The following FBXO4 variants were observed in gnomAD, a reference collection of about 807,000 sequenced individuals.
The protein encoded by FBXO4 is F-box only protein 4.
A neutral mutation model predicts 43.7 loss-of-function variants in FBXO4; 36 were observed. That is an observed-to-expected ratio of 0.82 (90% confidence interval 0.63 to 1.09). The LOEUF (loss-of-function observed/expected upper bound fraction) is 1.09, where lower values mean the gene tolerates loss of function less well. FBXO4 is among the 50% of genes least tolerant of loss of function. The probability of loss-of-function intolerance (pLI) is 0.00; values close to 1 mark genes in which losing one functional copy is unlikely to be tolerated. For missense variants in FBXO4, 435 were observed against 474.1 expected, an observed-to-expected ratio of 0.92 and a Z score of 0.77; for synonymous variants, 180 against 165.6, an observed-to-expected ratio of 1.09 and a Z score of -0.67.
chr5:41,952,078 G>A, the FBXO4 span: 117 of 196,436 alleles, frequency 6.0e-4, no homozygotes, highest in African/African-American at 2.7e-3. Flanking sequence ...CTTTTGTAGA[G>A]GTACTGTTCC....
At chr5:42,032,049 CTT>C in the FBXO4 span, among the ~76,000 whole-genome samples, 3 of 143,810 alleles carry the variant, frequency 2.1e-5, no homozygotes, top group African/African-American at 7.9e-5. Flanking sequence ...CTCTCTCTGT[CTT>C]TTTTTCTGTG....
At chr5:42,005,694 T>C in the FBXO4 span, among the ~76,000 whole-genome samples, 1 of 152,256 alleles carries the variant, frequency 6.6e-6, no homozygotes, top group African/African-American at 2.4e-5. Flanking sequence ...ATTCCAGCTG[T>C]ACAGAAGTTG....
the FBXO4 span, among the ~76,000 whole-genome samples, chr5:41,991,904 C>A: frequency 6.6e-6 from 1 of 152,166 alleles, no homozygotes; most frequent in East Asian, 1.9e-4. Context: ...CATGGAGAAA[C>A]CCCGTCTCTA....
At chr5:41,934,765 G>C (rs1751806399) in intron 5 of FBXO4, 6 of 1,017,632 alleles carry the variant, frequency 5.9e-6, no homozygotes, top group Non-Finnish European at 7.1e-6. Flanking sequence ...ATAGTAAAGA[G>C]ATGTGATGGT....
At chr5:41,930,737 G>A (rs1450473959) in intron 3 of FBXO4, among the ~76,000 whole-genome samples, 1 of 149,518 alleles carries the variant, frequency 6.7e-6, no homozygotes, top group African/African-American at 2.5e-5. Context: ...GCGCGATCTC[G>A]GCTCACTGCC....
intron 2 of FBXO4, chr5:41,928,503 T>G (rs961074722): frequency 6.5e-6 from 1 of 153,104 alleles, no homozygotes; most frequent in Non-Finnish European, 1.5e-5. Context: ...CCTGGCTAAT[T>G]TTTTGTATTT....
the FBXO4 span, among the ~76,000 whole-genome samples, chr5:42,036,194 C>T: frequency 6.6e-6 from 1 of 151,774 alleles, no homozygotes; most frequent in Admixed American, 6.6e-5. Context: ...GGGATGGGAG[C>T]CTAATCTGTA....
At chr5:42,034,113 A>G in the FBXO4 span, among the ~76,000 whole-genome samples, 5 of 151,470 alleles carry the variant, frequency 3.3e-5, no homozygotes, top group African/African-American at 1.2e-4. Flanking sequence ...TCTAATGATC[A>G]GTGATGTTAA....
At chr5:41,962,965 A>T in the FBXO4 span, among the ~76,000 whole-genome samples, 1 of 152,124 alleles carries the variant, frequency 6.6e-6, no homozygotes, top group Admixed American at 6.5e-5. Flanking sequence ...CTCCAAAGAG[A>T]GGTGTGTAAC....
chr5:42,012,334 G>A, the FBXO4 span, among the ~76,000 whole-genome samples: 1 of 152,084 alleles, frequency 6.6e-6, no homozygotes, highest in Non-Finnish European at 1.5e-5. Flanking sequence ...ATGTGTGTGT[G>A]TGTGTGTCTG....
chr5:41,967,331 A>T, the FBXO4 span: 1 of 449,304 alleles, frequency 2.2e-6, no homozygotes, highest in Non-Finnish European at 4.3e-6. Flanking sequence ...CAACCAACTT[A>T]GGTTTAGCAG....
chr5:42,034,973 A>G, the FBXO4 span, among the ~76,000 whole-genome samples: 1 of 151,980 alleles, frequency 6.6e-6, no homozygotes, highest in Non-Finnish European at 1.5e-5. Flanking sequence ...CATTTTCTTG[A>G]TATTTATTCT....
Position 41,941,201 on chromosome 5 carries a change from A to G in FBXO4, c.1084A>G (p.Thr362Ala), listed in dbSNP as rs1417182936. 1 of 1,613,584 alleles carries G rather than the reference A, an allele frequency of 6.2e-7. No individual in the cohort carries two copies. Among genetic ancestry groups the G allele is most frequent in the South Asian group, 1.1e-5 (1 of 91,060 alleles). The change falls in exon 7 of 7, where the codon ACA becomes GCA. Residue 362 changes from threonine (T) to alanine (A), a missense_variant. Physicochemically the swap from Thr to Ala is moderately conservative, Grantham distance 58. Transcript: ENST00000281623. ...TCTTATGTATTCCGAGGTCCAGGAT[A>G]CAGAGGCTGAAACTCTGACTGGTTT... ...LLNHPWLVQD[T>A]EAETLTGFLN...
At chr5:41,995,911 A>C in the FBXO4 span, among the ~76,000 whole-genome samples, 2 of 152,202 alleles carry the variant, frequency 1.3e-5, no homozygotes, top group African/African-American at 4.8e-5. Context: ...AGCTCGGCCC[A>C]CTGGGAAGAT....
At chr5:42,006,321 AATGTGTTTTATATC>A in the FBXO4 span, among the ~76,000 whole-genome samples, 1 of 152,120 alleles carries the variant, frequency 6.6e-6, no homozygotes, top group Non-Finnish European at 1.5e-5. Context: ...GAAAAACTGT[AATGTGTTTTATATC>A]ATGCCAAGGA....
chr5:42,037,684 A>G, the FBXO4 span, among the ~76,000 whole-genome samples: 4 of 152,048 alleles, frequency 2.6e-5, no homozygotes, highest in East Asian at 1.9e-4. Flanking sequence ...GTCCTGCATA[A>G]CAGTGGAACT....
At chr5:42,003,552 G>A in the FBXO4 span, among the ~76,000 whole-genome samples, 1 of 151,938 alleles carries the variant, frequency 6.6e-6, no homozygotes, top group Non-Finnish European at 1.5e-5. Flanking sequence ...TAAGTTCTAG[G>A]GTACATGTGC....
the FBXO4 span, among the ~76,000 whole-genome samples, chr5:41,963,154 G>T: frequency 1.3e-5 from 2 of 151,638 alleles, no homozygotes; most frequent in Non-Finnish European, 2.9e-5. Flanking sequence ...ACATATAAAT[G>T]ATCATTTTTC....
chr5:41,971,952 A>G, the FBXO4 span, among the ~76,000 whole-genome samples: 1 of 152,194 alleles, frequency 6.6e-6, no homozygotes, highest in South Asian at 2.1e-4. Context: ...AAGTGATAAG[A>G]GCCATTTATG....
Sources: gnomAD v4.1 joint callset for allele counts (sites outside exome capture counted in the v4.1 genomes callset) on GRCh38, gnomAD v4.1.1 for gene constraint, MANE v1.5 for transcripts, NCBI Gene and HGNC (gene_info 2026-07-23, HGNC 2026-07-21) for gene names.